The following GABRR3 variants were observed in gnomAD, a reference collection of about 807,000 sequenced individuals.
The protein encoded by GABRR3 is gamma-aminobutyric acid type A receptor subunit rho3.
A neutral mutation model predicts 43.2 loss-of-function variants in GABRR3; 29 were observed. That is an observed-to-expected ratio of 0.67 (90% CI 0.50 to 0.92). GABRR3 has a LOEUF of 0.92. Among genes scored for constraint, GABRR3 ranks in the 40% least tolerant of loss-of-function variants. GABRR3 has a pLI of 0.00. For synonymous variants in GABRR3, 206 were observed against 195.9 expected (o/e 1.05, Z -0.43); for missense variants, 576 against 572.3 (o/e 1.01, Z -0.07).
chr3:97,995,617 AG>A (rs1706541743), intron 8 of GABRR3, among the ~76,000 whole-genome samples: 1 of 150,038 alleles, frequency 6.7e-6, no homozygotes, highest in Non-Finnish European at 1.5e-5. Context: ...AAAAAAAAAA[AG>A]AATTAGAGTG....
intron 2 of GABRR3, among the ~76,000 whole-genome samples, chr3:98,029,825 A>T (rs564265470): frequency 2.0e-5 from 3 of 152,228 alleles, no homozygotes; most frequent in African/African-American, 7.2e-5. Flanking sequence ...GCTGTGAAGG[A>T]TATGATGAGG....
exon 10 of GABRR3, chr3:97,986,685 A>C (rs1452062701): frequency 3.3e-6 from 5 of 1,512,492 alleles, no homozygotes. Context: ...ATTCCCCTTC[A>C]TACATATACA....
chr3:98,012,232 C>G, intron 5 of GABRR3, 112 bp downstream of exon 5: 1 of 729,130 alleles, frequency 1.4e-6, no homozygotes, highest in Non-Finnish European at 2.3e-6. Flanking sequence ...CAATCTCCAG[C>G]AGCATTAAAC....
chr3:98,015,271 T>C (rs1314200994), intron 4 of GABRR3, among the ~76,000 whole-genome samples: 1 of 152,206 alleles, frequency 6.6e-6, no homozygotes, highest in Admixed American at 6.5e-5. Context: ...TGGTTCAGTA[T>C]AACCTCCACC....
intron 5 of GABRR3, among the ~76,000 whole-genome samples, chr3:98,010,270 C>T (rs1706773600): frequency 6.6e-6 from 1 of 152,218 alleles, no homozygotes; most frequent in African/African-American, 2.4e-5. Flanking sequence ...GAACACATTT[C>T]CAGTTGTCCT....
chr3:98,020,733 T>A (rs1369817986), intron 3 of GABRR3, among the ~76,000 whole-genome samples: 1 of 152,174 alleles, frequency 6.6e-6, no homozygotes, highest in Non-Finnish European at 1.5e-5. Flanking sequence ...AGGAATGGGT[T>A]TCTGGAAATA....
intron 8 of GABRR3, 35 bp from the exon 9 acceptor site, chr3:97,993,083 T>A: frequency 6.7e-7 from 1 of 1,494,366 alleles, no homozygotes; most frequent in Non-Finnish European, 9.0e-7. Flanking sequence ...CTCAGTGATA[T>A]AGCCATTCAT....
chr3:98,000,583 G>A (rs1706625237), intron 8 of GABRR3: 1 of 152,076 alleles, frequency 6.6e-6, no homozygotes, highest in African/African-American at 2.4e-5. Context: ...AGGGAAAGGA[G>A]GTGAGCAAAT....
intron 8 of GABRR3, chr3:97,999,735 T>A (rs1009906564): frequency 2.6e-5 from 4 of 152,292 alleles, no homozygotes; most frequent in African/African-American, 9.6e-5. Flanking sequence ...GTTGACATGA[T>A]GAAATTAATT....
At chr3:98,002,338 A>T (rs1300531090) in intron 7 of GABRR3, among the ~76,000 whole-genome samples, 1 of 152,140 alleles carries the variant, frequency 6.6e-6, no homozygotes, top group East Asian at 1.9e-4. Flanking sequence ...AAAGTAACCA[A>T]CTGATGTTTC....
At position 98,017,650 on chromosome 3, in the gene GABRR3, CT is replaced by C; in HGVS notation, c.306+4del. 6.2e-7 allele frequency: 1 copy of C among 1,605,332 alleles called. No individual in the cohort carries two copies. Among genetic ancestry groups the C allele is most frequent in the Non-Finnish European group, 8.5e-7 (1 of 1,174,810 alleles). ...AAAAGAGCAATATCCCATGAAGAAA[CT>C]TACCATGTTAGTCTCTGAAATGCTG... On this transcript the variant is annotated splice_donor_region_variant and intron_variant, in intron 4 of 9. Coordinates refer to ENST00000621172, the Ensembl canonical transcript of GABRR3.
intron 2 of GABRR3, among the ~76,000 whole-genome samples, chr3:98,029,227 G>C (rs749533493): frequency 3.3e-5 from 5 of 152,140 alleles, no homozygotes; most frequent in Non-Finnish European, 7.3e-5. Context: ...AACAGTAGGC[G>C]TGAGTCTTGG....
chr3:98,003,682 T>C (rs946393518), intron 7 of GABRR3, among the ~76,000 whole-genome samples: 1 of 152,132 alleles, frequency 6.6e-6, no homozygotes, highest in Non-Finnish European at 1.5e-5. Flanking sequence ...GCCCTACATC[T>C]GAGCAAGTTA....
At chr3:97,995,652 G>C (rs1706543483) in intron 8 of GABRR3, among the ~76,000 whole-genome samples, 1 of 151,860 alleles carries the variant, frequency 6.6e-6, no homozygotes, top group Non-Finnish European at 1.5e-5. Context: ...GTTGGGTAGG[G>C]GGAGTGAATG....
Position 98,033,300 on chromosome 3 carries a change from G to A in GABRR3, c.125+1563C>T, listed in dbSNP as rs75600871. On this transcript the variant is annotated intron_variant, in intron 2 of 9. Transcript: ENST00000621172. The stretch of plus-strand genomic sequence containing the variant: ...TATAGAAGTGACAACAAATATGATT[G>A]GCCCCACATGGCCGAAATCCTGGCG... Among the ~76,000 whole-genome samples the A allele has an allele frequency of 3.1e-3, 470 of 152,240 alleles. 4 individuals are homozygous for A. The highest frequency in any genetic ancestry group is 0.011 in the African/African-American group (441 of 41,542).
At chr3:97,988,120 G>C (rs1316647354) in intron 9 of GABRR3, among the ~76,000 whole-genome samples, 1 of 151,802 alleles carries the variant, frequency 6.6e-6, no homozygotes, top group Non-Finnish European at 1.5e-5. Context: ...TGCCATGCTG[G>C]GACAATGGAA....
At chr3:98,021,855 T>A (rs1706951639) in intron 3 of GABRR3, among the ~76,000 whole-genome samples, 1 of 152,228 alleles carries the variant, frequency 6.6e-6, no homozygotes, top group South Asian at 2.1e-4. Flanking sequence ...ACATCTGATT[T>A]GTATAATGCA....
chr3:98,010,358 T>G (rs1260361326), intron 5 of GABRR3, among the ~76,000 whole-genome samples: 2 of 152,164 alleles, frequency 1.3e-5, no homozygotes, highest in Non-Finnish European at 2.9e-5. Flanking sequence ...CATTATCAAC[T>G]AAGGAAGCTC....
At chr3:97,987,614 G>C (rs1047985052) in intron 9 of GABRR3, among the ~76,000 whole-genome samples, 13 of 152,148 alleles carry the variant, frequency 8.5e-5, no homozygotes, top group Admixed American at 7.9e-4. Flanking sequence ...CAGAATAAAT[G>C]CTGCCAAAAC....
Sources: gnomAD v4.1 joint callset for allele counts (sites outside exome capture counted in the v4.1 genomes callset) on GRCh38, gnomAD v4.1.1 for gene constraint, MANE v1.5 for transcripts, NCBI Gene and HGNC (gene_info 2026-07-23, HGNC 2026-07-21) for gene names.